Variants in LRRC4C observed in about 807,000 individuals in gnomAD.
The protein encoded by LRRC4C is leucine rich repeat containing 4C.
A neutral mutation model predicts 33.6 loss-of-function variants in LRRC4C; 5 were observed. The ratio of observed to expected loss-of-function variants is 0.15; its 90% confidence interval spans 0.08 to 0.31. LRRC4C has a LOEUF of 0.31. LRRC4C is among the 10% of genes least tolerant of loss of function. The pLI, the probability that LRRC4C is intolerant of heterozygous loss-of-function variation, is 1.00. For synonymous variants in LRRC4C, 329 were observed against 302.0 expected (o/e 1.09, Z -0.93); for missense variants, 560 against 796.7 (o/e 0.70, Z 3.58).
intron 3 of LRRC4C, among the ~76,000 whole-genome samples, chr11:40,443,256 A>C (rs1489138308): frequency 6.6e-6 from 1 of 152,180 alleles, no homozygotes; most frequent in Non-Finnish European, 1.5e-5. Flanking sequence ...TGTAGTTGGG[A>C]AAGACAACAC....
intron 4 of LRRC4C, among the ~76,000 whole-genome samples, chr11:40,291,232 AAGGTGATCCTAC>A (rs921756658): frequency 2.6e-5 from 4 of 152,062 alleles, no homozygotes; most frequent in African/African-American, 9.7e-5. Context: ...GGGAGGAGGG[AAGGTGATCCTAC>A]AGGCGCTCAG....
chr11:41,055,826 ATTAGGAGAGAGGTG>A (rs1858581033), intron 1 of LRRC4C, among the ~76,000 whole-genome samples: 2 of 152,182 alleles, frequency 1.3e-5, no homozygotes, highest in Non-Finnish European at 2.9e-5. Context: ...CCCAACTCAC[ATTAGGAGAGAGGTG>A]TTAGGCTGTT....
At chr11:40,205,412 T>C (rs563407072) in intron 5 of LRRC4C, among the ~76,000 whole-genome samples, 43 of 152,280 alleles carry the variant, frequency 2.8e-4, no homozygotes, top group African/African-American at 1.0e-3. Flanking sequence ...TTGGTACTTT[T>C]ATCTCATTAA....
At chr11:40,964,305 C>T (rs1318533867) in intron 1 of LRRC4C, among the ~76,000 whole-genome samples, 1 of 151,416 alleles carries the variant, frequency 6.6e-6, no homozygotes, top group Admixed American at 6.6e-5. Context: ...TCAAACAAAA[C>T]AAATAAAGCA....
chr11:40,877,915 G>A (rs538381812), intron 2 of LRRC4C, among the ~76,000 whole-genome samples: 33 of 150,586 alleles, frequency 2.2e-4, no homozygotes, highest in African/African-American at 7.8e-4. Flanking sequence ...ATGTGAATCA[G>A]CTATTACAAT....
At chr11:40,598,390 GA>G (rs1270701310) in intron 3 of LRRC4C, among the ~76,000 whole-genome samples, 5 of 152,054 alleles carry the variant, frequency 3.3e-5, no homozygotes, top group Non-Finnish European at 4.4e-5. Context: ...CACCTTTGAG[GA>G]AAAAATTTAT....
At chr11:41,168,166 T>C (rs1236875599) in intron 1 of LRRC4C, among the ~76,000 whole-genome samples, 3 of 152,180 alleles carry the variant, frequency 2.0e-5, no homozygotes, top group African/African-American at 7.2e-5. Context: ...GTACTGATCA[T>C]GAAAGGCAGA....
At chr11:41,140,228 T>C (rs929937424) in intron 1 of LRRC4C, among the ~76,000 whole-genome samples, 2 of 152,090 alleles carry the variant, frequency 1.3e-5, no homozygotes, top group Non-Finnish European at 2.9e-5. Context: ...TGGAAAACAA[T>C]GAAGGTTAAG....
At chr11:40,805,889 C>G (rs1471346437) in intron 2 of LRRC4C, among the ~76,000 whole-genome samples, 1 of 152,056 alleles carries the variant, frequency 6.6e-6, no homozygotes, top group Non-Finnish European at 1.5e-5. Flanking sequence ...TAATGTTCAT[C>G]AAGAAAGAGC....
At chr11:41,107,224 G>A (rs1185965348) in intron 1 of LRRC4C, among the ~76,000 whole-genome samples, 2 of 151,958 alleles carry the variant, frequency 1.3e-5, no homozygotes, top group African/African-American at 4.8e-5. Context: ...GATTTTAGAT[G>A]TTCTGATTTG....
At chr11:41,076,655 G>T (rs2135457259) in intron 1 of LRRC4C, among the ~76,000 whole-genome samples, 1 of 152,266 alleles carries the variant, frequency 6.6e-6, no homozygotes, top group Non-Finnish European at 1.5e-5. Context: ...ATCTTTATGA[G>T]ATTTGAGTGG....
At chr11:40,263,056 A>G (rs997091497) in intron 4 of LRRC4C, among the ~76,000 whole-genome samples, 2 of 152,090 alleles carry the variant, frequency 1.3e-5, no homozygotes, top group African/African-American at 4.8e-5. Context: ...AGCTACCATG[A>G]TTCACAACTC....
Position 40,896,473 on chromosome 11 carries a change from T to C in LRRC4C, c.-407+37162A>G, listed in dbSNP as rs1010066789. On this transcript the variant is annotated intron_variant, in intron 2 of 6. Transcript: ENST00000528697. The stretch of plus-strand genomic sequence containing the variant: ...AAATTCAGTGGATATTTTTGAAATA[T>C]TTTACAAATCTTAAATAACTTGAGA... Among the ~76,000 whole-genome samples, 53 of 152,160 alleles carry C rather than the reference T, an allele frequency of 3.5e-4. 1 individual carries two copies. The highest frequency in any genetic ancestry group is 7.3e-5 in the Non-Finnish European group (5 of 68,032).
chr11:40,774,541 A>G (rs1174065074), intron 2 of LRRC4C, among the ~76,000 whole-genome samples: 2 of 152,168 alleles, frequency 1.3e-5, no homozygotes, highest in East Asian at 3.9e-4. Context: ...TAATCATGAC[A>G]TTAAAGACAC....
At chr11:41,238,501 C>A (rs1363497767) in intron 1 of LRRC4C, among the ~76,000 whole-genome samples, 1 of 152,082 alleles carries the variant, frequency 6.6e-6, no homozygotes, top group Non-Finnish European at 1.5e-5. Flanking sequence ...AGCTACTGTC[C>A]TTAGATACAC....
chr11:40,777,940 G>A (rs961287235), intron 2 of LRRC4C, among the ~76,000 whole-genome samples: 17 of 152,014 alleles, frequency 1.1e-4, no homozygotes, highest in South Asian at 4.2e-4. Flanking sequence ...CACCCGCCTC[G>A]GCCTCCCAAA....
chr11:40,190,404 T>C (rs1861739559), intron 5 of LRRC4C, among the ~76,000 whole-genome samples: 1 of 152,172 alleles, frequency 6.6e-6, no homozygotes, highest in African/African-American at 2.4e-5. Context: ...CTCCAGAAGA[T>C]TCTCAGGTTC....
At chr11:40,217,953 T>A (rs1864095777) in intron 5 of LRRC4C, among the ~76,000 whole-genome samples, 1 of 152,126 alleles carries the variant, frequency 6.6e-6, no homozygotes, top group South Asian at 2.1e-4. Context: ...CATTATAATA[T>A]CCCTGCAAAG....
intron 3 of LRRC4C, among the ~76,000 whole-genome samples, chr11:40,462,674 T>C (rs1952456809): frequency 5.9e-5 from 9 of 152,080 alleles, no homozygotes; most frequent in Admixed American, 5.9e-4. Context: ...GTTAGGAGGC[T>C]TTATTTTACT....
Sources: gnomAD v4.1 joint callset for allele counts (sites outside exome capture counted in the v4.1 genomes callset) on GRCh38, gnomAD v4.1.1 for gene constraint, MANE v1.5 for transcripts, NCBI Gene and HGNC (gene_info 2026-07-23, HGNC 2026-07-21) for gene names.